EVA1A: variants seen among roughly 807,000 people sequenced by gnomAD.
The protein encoded by EVA1A is eva-1 homolog A, regulator of programmed cell death.
EVA1A carries 7 observed loss-of-function variants against 9.8 expected under a neutral mutation model. The ratio of observed to expected loss-of-function variants is 0.71; its 90% CI spans 0.41 to 1.34. The LOEUF (loss-of-function observed/expected upper bound fraction) is 1.34. Among genes scored for constraint, EVA1A ranks in the 40% most tolerant of loss-of-function variants. The pLI is 0.01. For synonymous variants in EVA1A, 90 were observed against 85.6 expected, an observed-to-expected ratio of 1.05 and a Z score of -0.28; for missense variants, 206 against 205.9, an observed-to-expected ratio of 1.00 and a Z score of 0.00.
chr2:75,502,280 C>A (rs1435487074), intron 3 of EVA1A, among the ~76,000 whole-genome samples: 3 of 152,176 alleles, frequency 2.0e-5, no homozygotes, highest in Non-Finnish European at 4.4e-5. Context: ...AATCTATCTC[C>A]ATTTCTTAGA....
intron 2 of EVA1A, among the ~76,000 whole-genome samples, chr2:75,520,104 C>T (rs1187854862): frequency 6.6e-6 from 1 of 152,166 alleles, no homozygotes; most frequent in Non-Finnish European, 1.5e-5. Context: ...CTGACAGTCA[C>T]ACACATATAC....
intron 1 of EVA1A, among the ~76,000 whole-genome samples, chr2:75,557,346 C>G (rs531840884): frequency 3.8e-4 from 58 of 152,298 alleles, no homozygotes; most frequent in African/African-American, 1.3e-3. Context: ...CACAACTTAC[C>G]CAGAGGGTAA....
At chr2:75,527,171 C>A (rs1675475903) in intron 1 of EVA1A, among the ~76,000 whole-genome samples, 1 of 152,164 alleles carries the variant, frequency 6.6e-6, no homozygotes, top group Non-Finnish European at 1.5e-5. Flanking sequence ...ACAAAAAACC[C>A]ATGGCCTCAT....
At chr2:75,543,227 G>C (rs1163989341) in intron 1 of EVA1A, among the ~76,000 whole-genome samples, 1 of 152,080 alleles carries the variant, frequency 6.6e-6, no homozygotes, top group Non-Finnish European at 1.5e-5. Context: ...CAGACTTGTG[G>C]ATCCTTAATT....
At chr2:75,531,242 T>A (rs1250625343) in intron 1 of EVA1A, among the ~76,000 whole-genome samples, 3 of 152,052 alleles carry the variant, frequency 2.0e-5, no homozygotes, top group African/African-American at 7.2e-5. Context: ...AATTTAAAAA[T>A]CAAAAACTAA....
chr2:75,549,949 C>T (rs1451259438), intron 1 of EVA1A, among the ~76,000 whole-genome samples: 5 of 152,184 alleles, frequency 3.3e-5, no homozygotes, highest in African/African-American at 1.2e-4. Context: ...ATGTCAGCAT[C>T]ATGAACATGA....
intron 1 of EVA1A, chr2:75,558,484 G>C (rs1676801440): frequency 6.6e-6 from 1 of 152,142 alleles, no homozygotes; most frequent in Non-Finnish European, 1.5e-5. Flanking sequence ...ACAAAATACT[G>C]CAAGAGATAC....
chr2:75,509,589 G>A (rs938660865), intron 3 of EVA1A, among the ~76,000 whole-genome samples: 50 of 152,162 alleles, frequency 3.3e-4, no homozygotes, highest in African/African-American at 9.2e-4. Flanking sequence ...GTTTTGATCC[G>A]TTCTTTCACC....
At chr2:75,568,346 ATAAT>A (rs1048782942) in intron 1 of EVA1A, among the ~76,000 whole-genome samples, 84 of 150,278 alleles carry the variant, frequency 5.6e-4, no homozygotes, top group African/African-American at 1.6e-3. Context: ...GTAAAATTTA[ATAAT>A]TAAAGGATAT....
At chr2:75,563,613 T>C (rs1676965972), upstream of EVA1A, among the ~76,000 whole-genome samples, 1 of 152,246 alleles carries the variant, frequency 6.6e-6, no homozygotes, top group Non-Finnish European at 1.5e-5. Context: ...GTTCTGTTAT[T>C]TTATAAATAA....
intron 3 of EVA1A, among the ~76,000 whole-genome samples, chr2:75,506,593 C>A (rs1390670375): frequency 6.6e-6 from 1 of 152,170 alleles, no homozygotes; most frequent in African/African-American, 2.4e-5. Context: ...GCTTCTGAAA[C>A]CAGAGTAGGC....
intron 1 of EVA1A, among the ~76,000 whole-genome samples, chr2:75,552,521 A>T (rs950256890): frequency 6.6e-6 from 1 of 152,166 alleles, no homozygotes; most frequent in Non-Finnish European, 1.5e-5. Context: ...GAGTCTGCCC[A>T]ATTCTCCACC....
At chr2:75,551,811 T>C (rs969137837) in intron 1 of EVA1A, among the ~76,000 whole-genome samples, 2 of 152,194 alleles carry the variant, frequency 1.3e-5, no homozygotes, top group Non-Finnish European at 2.9e-5. Flanking sequence ...CATTAGCTAT[T>C]ATAATTCCTC....
chr2:75,547,178 C>T (rs1430447307), intron 1 of EVA1A, among the ~76,000 whole-genome samples: 4 of 152,180 alleles, frequency 2.6e-5, no homozygotes, highest in African/African-American at 7.2e-5. Flanking sequence ...GTCCTCCCTA[C>T]GTGCATTCCC....
intron 3 of EVA1A, among the ~76,000 whole-genome samples, chr2:75,496,889 C>T (rs752489723): frequency 6.6e-6 from 1 of 152,144 alleles, no homozygotes; most frequent in Non-Finnish European, 1.5e-5. Flanking sequence ...AGCTGCACAC[C>T]TATAGCCATC....
At chr2:75,495,731 GT>G (rs1279672159) in intron 3 of EVA1A, among the ~76,000 whole-genome samples, 1 of 152,112 alleles carries the variant, frequency 6.6e-6, no homozygotes, top group Non-Finnish European at 1.5e-5. Flanking sequence ...ACTTATCCAT[GT>G]AACCACAAAC....
intron 1 of EVA1A, chr2:75,558,558 C>T (rs1184282232): frequency 1.3e-5 from 2 of 152,190 alleles, no homozygotes; most frequent in African/African-American, 2.4e-5. Flanking sequence ...AGGCTTTCCC[C>T]CAACCTGGGG....
intron 1 of EVA1A, among the ~76,000 whole-genome samples, chr2:75,539,260 G>T (rs570172451): frequency 6.6e-6 from 1 of 152,160 alleles, no homozygotes; most frequent in Non-Finnish European, 1.5e-5. Context: ...AAAACTATGA[G>T]AGTTTTCTTT....
At position 75,547,493 on chromosome 2, in the gene EVA1A, C is replaced by T. The variant is rs770130928; in HGVS notation, c.-192+13187G>A. On this transcript the variant is annotated intron_variant, in intron 1 of 3. Coordinates refer to ENST00000393913, the MANE Select transcript of EVA1A (RefSeq NM_001135032.2). ...GATAATCTATGTAATGCACCAAGCA[C>T]GATGTCTAGTGACCAGCAGGTGACC... Among the ~76,000 whole-genome samples, 35 of 152,204 alleles carry T rather than the reference C, an allele frequency of 2.3e-4. 1 individual carries two copies. Among genetic ancestry groups the T allele is most frequent in the Non-Finnish European group, 4.3e-4 (29 of 68,038 alleles).
Sources: gnomAD v4.1 joint callset for allele counts (sites outside exome capture counted in the v4.1 genomes callset) on GRCh38, gnomAD v4.1.1 for gene constraint, MANE v1.5 for transcripts, NCBI Gene and HGNC (gene_info 2026-07-23, HGNC 2026-07-21) for gene names.